The following PLCXD2 variants were observed in gnomAD, a reference collection of about 807,000 sequenced individuals.
The protein encoded by PLCXD2 is phosphatidylinositol specific phospholipase C X domain containing 2.
In PLCXD2, 21 loss-of-function variants were observed where a neutral mutation model predicts 28.6. The ratio of observed to expected loss-of-function variants is 0.73; its 90% CI spans 0.52 to 1.06. The LOEUF (loss-of-function observed/expected upper bound fraction) is 1.06. PLCXD2 is among the 50% of genes least tolerant of loss of function. The pLI is 0.00. For synonymous variants in PLCXD2, 140 were observed against 150.1 expected (o/e 0.93, Z 0.49); for missense variants, 369 against 376.7 (o/e 0.98, Z 0.17).
intron 1 of PLCXD2, among the ~76,000 whole-genome samples, chr3:111,698,304 G>A (rs1198277395): frequency 6.6e-6 from 1 of 152,158 alleles, no homozygotes; most frequent in African/African-American, 2.4e-5. Flanking sequence ...GGAAACTGAG[G>A]CCCAGCATTT....
At chr3:111,712,535 G>C (rs1941213494) in intron 2 of PLCXD2, among the ~76,000 whole-genome samples, 1 of 152,186 alleles carries the variant, frequency 6.6e-6, no homozygotes, top group South Asian at 2.1e-4. Context: ...TTAGCAGTCA[G>C]TCAGACATTA....
chr3:111,707,395 G>C (rs1941136107), intron 1 of PLCXD2, among the ~76,000 whole-genome samples: 2 of 152,136 alleles, frequency 1.3e-5, no homozygotes, highest in African/African-American at 4.8e-5. Context: ...TCTCGGCATT[G>C]TTGAGATAGA....
chr3:111,696,382 G>A (rs1342375231), intron 1 of PLCXD2, among the ~76,000 whole-genome samples: 1 of 152,126 alleles, frequency 6.6e-6, no homozygotes, highest in Non-Finnish European at 1.5e-5. Context: ...TCTTTTTGCT[G>A]TTGCTGGGCA....
chr3:111,714,706 G>T (rs752317261), intron 3 of PLCXD2, among the ~76,000 whole-genome samples: 1 of 152,084 alleles, frequency 6.6e-6, no homozygotes, highest in Non-Finnish European at 1.5e-5. Flanking sequence ...TCCTTATCCC[G>T]GACACCAATG....
chr3:111,675,245 G>A lies in PLCXD2; in HGVS notation c.-1G>A, dbSNP rs758415214. The A allele has an allele frequency of 1.9e-6, 3 of 1,613,644 alleles. No individual in the cohort carries two copies. In the South Asian group the frequency reaches 3.3e-5, roughly 18 times the overall value. ...GACTGGCCAGTTTGTTAACAACAGG[G>A]ATGCTAGCAGTTAGGAAGGCCAGGA... On this transcript the variant is annotated 5_prime_UTR_variant, in exon 1 of 5. Coordinates refer to ENST00000477665, the MANE Select transcript of PLCXD2 (RefSeq NM_001185106.1).
intron 3 of PLCXD2, chr3:111,724,186 A>G (rs1205994309): frequency 6.6e-6 from 1 of 152,178 alleles, no homozygotes; most frequent in Non-Finnish European, 1.5e-5. Flanking sequence ...TAAGTTATTG[A>G]ACATTAAATT....
At chr3:111,687,665 G>GT (rs149280153) in intron 1 of PLCXD2, among the ~76,000 whole-genome samples, 8,826 of 149,482 alleles carry the variant, frequency 0.059, 501 homozygotes, top group African/African-American at 0.14. Context: ...TTCTTTATGG[G>GT]TTTTTTCTTT....
intron 1 of PLCXD2, among the ~76,000 whole-genome samples, chr3:111,683,799 T>G (rs1016080862): frequency 6.6e-5 from 10 of 152,106 alleles, no homozygotes; most frequent in African/African-American, 2.2e-4. Context: ...TTAACAAGAC[T>G]AGGGAGGCCT....
intron 2 of PLCXD2, among the ~76,000 whole-genome samples, chr3:111,710,559 C>G (rs1941186465): frequency 6.6e-6 from 1 of 152,176 alleles, no homozygotes; most frequent in Non-Finnish European, 1.5e-5. Flanking sequence ...TAGTGAGAAC[C>G]AGGATTCAGT....
At chr3:111,695,121 G>A (rs1047880529) in intron 1 of PLCXD2, among the ~76,000 whole-genome samples, 1 of 140,972 alleles carries the variant, frequency 7.1e-6, no homozygotes. Context: ...GTGAGATAAT[G>A]TGTTTGAGGG....
At chr3:111,703,320 A>G (rs971133518) in intron 1 of PLCXD2, among the ~76,000 whole-genome samples, 6 of 152,196 alleles carry the variant, frequency 3.9e-5, no homozygotes, top group African/African-American at 1.4e-4. Flanking sequence ...CCTAGGAAAT[A>G]TACATGCTCT....
chr3:111,725,407 G>C (rs1277716910), intron 3 of PLCXD2: 2 of 369,952 alleles, frequency 5.4e-6, no homozygotes, highest in Admixed American at 9.2e-5. Flanking sequence ...AGAGTGAACT[G>C]TTTGAGTGAT....
intron 3 of PLCXD2, among the ~76,000 whole-genome samples, chr3:111,716,259 C>T (rs982009886): frequency 1.1e-4 from 17 of 152,204 alleles, no homozygotes; most frequent in Admixed American, 2.6e-4. Flanking sequence ...TTCCTCTGGG[C>T]TGTTGAACAA....
chr3:111,710,205 T>C (rs745772336), intron 2 of PLCXD2, among the ~76,000 whole-genome samples: 22 of 152,220 alleles, frequency 1.4e-4, no homozygotes, highest in Non-Finnish European at 2.2e-4. Flanking sequence ...CTAAAGTCTA[T>C]CTAAACAAGT....
intron 3 of PLCXD2, among the ~76,000 whole-genome samples, chr3:111,720,352 C>A (rs909522938): frequency 6.6e-6 from 1 of 152,096 alleles, no homozygotes; most frequent in African/African-American, 2.4e-5. Flanking sequence ...CCAGGCTGAT[C>A]TCAAACTCCT....
chr3:111,675,073 T>A lies in PLCXD2; in HGVS notation c.-173T>A, dbSNP rs1455147920. The stretch of plus-strand genomic sequence containing the variant: ...AGGCTGGGCCGGAGAGAGTGGGGAC[T>A]GTGAGTGCTAGTGGGTAAGGATCCA... On this transcript the variant is annotated 5_prime_UTR_variant, in exon 1 of 5. Coordinates refer to ENST00000477665, the MANE Select transcript of PLCXD2 (RefSeq NM_001185106.1). The A allele has an allele frequency of 1.5e-6, 1 of 662,008 alleles. No individual in the cohort carries two copies. Among genetic ancestry groups the A allele is most frequent in the East Asian group, 2.7e-5 (1 of 36,460 alleles). 41.0% of individuals were successfully genotyped at this position (662,008 alleles called of 1,614,324 possible). A position where few individuals can be genotyped will look rare whatever the true frequency, so the allele number is the denominator to read the frequency against.
intron 1 of PLCXD2, among the ~76,000 whole-genome samples, chr3:111,686,561 A>T (rs895594794): frequency 2.6e-5 from 4 of 152,272 alleles, no homozygotes; most frequent in African/African-American, 9.6e-5. Flanking sequence ...GGTTCAAGGG[A>T]CTACTAAGTG....
chr3:111,711,339 G>A (rs1397467010), intron 2 of PLCXD2, among the ~76,000 whole-genome samples: 3 of 152,180 alleles, frequency 2.0e-5, no homozygotes, highest in Non-Finnish European at 2.9e-5. Flanking sequence ...AGGAGGCAGA[G>A]GTTTCAGGGA....
chr3:111,684,729 G>A (rs1251520963), intron 1 of PLCXD2, among the ~76,000 whole-genome samples: 1 of 152,030 alleles, frequency 6.6e-6, no homozygotes, highest in African/African-American at 2.4e-5. Flanking sequence ...AAATCACAAG[G>A]TCAACTTTGT....
Sources: allele counts gnomAD v4.1 joint callset (sites outside exome capture counted in the v4.1 genomes callset), GRCh38; gene constraint gnomAD v4.1.1; transcripts MANE v1.5; gene names NCBI Gene and HGNC (gene_info 2026-07-23, HGNC 2026-07-21).